RRP15: variants seen among roughly 807,000 people sequenced by gnomAD.
RRP15 encodes the protein RRP15-like protein.
Under a neutral mutation model 27.1 loss-of-function variants are expected in RRP15, and 18 were observed. The ratio of observed to expected loss-of-function variants is 0.66; its 90% CI spans 0.46 to 0.98. RRP15 has a LOEUF of 0.98. Ranked by LOEUF, RRP15 falls within the 50% of genes least tolerant of loss-of-function variation. The probability of loss-of-function intolerance (pLI) is 0.00; values close to 1 mark genes in which losing one functional copy is unlikely to be tolerated. For missense variants in RRP15, 359 were observed against 337.8 expected (o/e 1.06, Z -0.49); for synonymous variants, 107 against 109.4 (o/e 0.98, Z 0.14).
At chr1:218,309,190 C>T (rs1428125120) in intron 4 of RRP15, among the ~76,000 whole-genome samples, 1 of 151,972 alleles carries the variant, frequency 6.6e-6, no homozygotes, top group Non-Finnish European at 1.5e-5. Context: ...TGATTTTGCT[C>T]TAAAAGTAAT....
chr1:218,285,613 G>A (rs1655533117), intron 1 of RRP15, among the ~76,000 whole-genome samples, 158 bp downstream of exon 1: 1 of 152,152 alleles, frequency 6.6e-6, no homozygotes. Context: ...GCTTGGGGAA[G>A]TCGTGTTCAG....
chr1:218,320,047 C>CTTTTTTTTTTTTTTTTT (rs140693389), intron 4 of RRP15, among the ~76,000 whole-genome samples: 1 of 139,290 alleles, frequency 7.2e-6, no homozygotes, highest in African/African-American at 2.7e-5. Context: ...TGTTTTATTT[C>CTTTTTTTTTTTTTTTTT]TTTTTTTTTC....
At chr1:218,291,998 C>T (rs1655652349) in intron 1 of RRP15, among the ~76,000 whole-genome samples, 1 of 152,076 alleles carries the variant, frequency 6.6e-6, no homozygotes, top group Non-Finnish European at 1.5e-5. Context: ...CCATCATGTC[C>T]AGCTAATTTT....
At chr1:218,327,706 T>A (rs1656296004) in intron 4 of RRP15, among the ~76,000 whole-genome samples, 1 of 152,236 alleles carries the variant, frequency 6.6e-6, no homozygotes, top group Non-Finnish European at 1.5e-5. Flanking sequence ...TTCTATTGTG[T>A]CTTTTTTTTC....
intron 1 of RRP15, among the ~76,000 whole-genome samples, chr1:218,293,060 G>A (rs1352980776): frequency 1.4e-5 from 2 of 146,738 alleles, no homozygotes; most frequent in East Asian, 4.0e-4. Flanking sequence ...GTCTTGGTAT[G>A]TTGCCCATGC....
intron 4 of RRP15, among the ~76,000 whole-genome samples, chr1:218,318,963 A>G (rs901047752): frequency 4.6e-5 from 7 of 152,138 alleles, no homozygotes; most frequent in African/African-American, 1.7e-4. Context: ...CAAGAGATGA[A>G]TTAAAGTTCC....
At chr1:218,313,128 A>C (rs1043235993) in intron 4 of RRP15, among the ~76,000 whole-genome samples, 32 of 152,188 alleles carry the variant, frequency 2.1e-4, no homozygotes, top group African/African-American at 7.5e-4. Context: ...TACAAGAGTA[A>C]TATTGTGCAG....
At chr1:218,319,601 G>T (rs1276865119) in intron 4 of RRP15, among the ~76,000 whole-genome samples, 1 of 152,124 alleles carries the variant, frequency 6.6e-6, no homozygotes, top group African/African-American at 2.4e-5. Context: ...AGAATCACCT[G>T]TTTCTCCAAA....
intron 1 of RRP15, among the ~76,000 whole-genome samples, chr1:218,288,139 A>T (rs1421820264): frequency 6.6e-6 from 1 of 152,204 alleles, no homozygotes; most frequent in Non-Finnish European, 1.5e-5. Context: ...TTTAAGCAAG[A>T]TGGTGACAGT....
chr1:218,322,171 G>T (rs1465954934), intron 4 of RRP15, among the ~76,000 whole-genome samples: 1 of 152,122 alleles, frequency 6.6e-6, no homozygotes, highest in African/African-American at 2.4e-5. Flanking sequence ...GAATCAAATG[G>T]ATCTGTGTTT....
intron 2 of RRP15, 151 bp from the exon 3 acceptor site, chr1:218,304,877 A>C (rs1655872163): frequency 1.6e-6 from 1 of 639,872 alleles, no homozygotes; most frequent in African/African-American, 1.9e-5. Flanking sequence ...TCTCGAAGCT[A>C]AACCCCTAAC....
chr1:218,285,574 C>A, intron 1 of RRP15, 119 bp downstream of exon 1: 1 of 1,312,470 alleles, frequency 7.6e-7, no homozygotes, highest in Non-Finnish European at 1.1e-6. Flanking sequence ...GGCACCACTT[C>A]AGAGGGGCGA....
chr1:218,286,350 T>C (rs1009653922), intron 1 of RRP15, among the ~76,000 whole-genome samples: 2 of 152,130 alleles, frequency 1.3e-5, no homozygotes, highest in African/African-American at 4.8e-5. Context: ...TGCTTGTGTT[T>C]AACACCTTAA....
chr1:218,293,656 ATGT>A (rs1422869099), intron 1 of RRP15, among the ~76,000 whole-genome samples: 1 of 152,194 alleles, frequency 6.6e-6, no homozygotes, highest in Non-Finnish European at 1.5e-5. Context: ...TATAACCCAT[ATGT>A]TGTTTGAATT....
At chr1:218,303,657 T>G (rs1049947565) in intron 2 of RRP15, among the ~76,000 whole-genome samples, 15 of 152,180 alleles carry the variant, frequency 9.9e-5, no homozygotes, top group Non-Finnish European at 2.1e-4. Context: ...GGTAAGAACA[T>G]TTTGAAGCCA....
intron 4 of RRP15, among the ~76,000 whole-genome samples, chr1:218,315,676 G>C (rs114860051): frequency 2.7e-5 from 4 of 150,694 alleles, no homozygotes; most frequent in South Asian, 4.2e-4. Flanking sequence ...TGGTCTCCTC[G>C]AACTCCTGGC....
intron 1 of RRP15, among the ~76,000 whole-genome samples, chr1:218,289,641 C>T (rs1187722392): frequency 6.6e-6 from 1 of 152,158 alleles, no homozygotes; most frequent in Non-Finnish European, 1.5e-5. Flanking sequence ...TTTAATTAAT[C>T]CATTTATTCT....
intron 4 of RRP15, among the ~76,000 whole-genome samples, chr1:218,313,511 G>A (rs184823368): frequency 1.3e-5 from 2 of 152,316 alleles, no homozygotes; most frequent in East Asian, 3.9e-4. Context: ...ATGTCTGAGA[G>A]GTAAAGATTT....
Position 218,329,052 on chromosome 1 carries a change from T to C in RRP15, c.706-1896T>C, listed in dbSNP as rs182589371. Among the ~76,000 whole-genome samples, 357 of 152,130 alleles carry C rather than the reference T, an allele frequency of 2.3e-3. 2 individuals carry two copies. Among genetic ancestry groups the C allele is most frequent in the African/African-American group, 8.3e-3 (344 of 41,494 alleles). On this transcript the variant is annotated intron_variant, in intron 4 of 4. Transcript: ENST00000366932. Reference sequence around the variant, plus strand: ...TACTTTGACAGGAGAGGTGTTATAATTGTTGGTTCTAAGTGGATTTTTGTT... The same window carrying C: ...TACTTTGACAGGAGAGGTGTTATAACTGTTGGTTCTAAGTGGATTTTTGTT...
Sources: allele counts gnomAD v4.1 joint callset (sites outside exome capture counted in the v4.1 genomes callset), GRCh38; gene constraint gnomAD v4.1.1; transcripts MANE v1.5; gene names NCBI Gene and HGNC (gene_info 2026-07-23, HGNC 2026-07-21).